The following DNAH6 variants were observed in gnomAD, a reference collection of about 807,000 sequenced individuals.
The protein encoded by DNAH6 is axonemal beta dynein heavy chain 6.
In DNAH6, 340 loss-of-function variants were observed where a neutral mutation model predicts 491.4. The observed-to-expected ratio is 0.69, with a 90% CI of 0.63 to 0.76. DNAH6 has a LOEUF of 0.76. Ranked by LOEUF, DNAH6 falls within the 30% of genes least tolerant of loss-of-function variation. The pLI is 0.00. For missense variants in DNAH6, 4,443 were observed against 4,972.2 expected (o/e 0.89, Z 3.20); for synonymous variants, 1,603 against 1,686.1 (o/e 0.95, Z 1.21).
chr2:84,782,235 C>T (rs1283137078), intron 65 of DNAH6, among the ~76,000 whole-genome samples: 1 of 152,180 alleles, frequency 6.6e-6, no homozygotes, highest in East Asian at 1.9e-4. Context: ...TTAGAATCTA[C>T]TCATTTTAAA....
At chr2:84,460,031 A>G in the DNAH6 span, 1 of 152,266 alleles carries the variant, frequency 6.6e-6, no homozygotes, top group Non-Finnish European at 1.5e-5. Context: ...TTGGACAAAC[A>G]GTTCCCTCTT....
In DNAH6 at chr2:84,780,287, A is replaced by C. The variant is rs150703925; in HGVS notation, c.10704-1206A>C. On this transcript the variant is annotated intron_variant, in intron 64 of 76. Coordinates refer to ENST00000389394, the MANE Select transcript of DNAH6 (RefSeq NM_001370.2). ...GGAATGCCAGTATGGCATAGGTTTT[A>C]TCTATTTGCATAATCTCATATTTCT... is the stretch of plus-strand genomic sequence containing the variant. Among the ~76,000 whole-genome samples, 851 of 152,186 alleles carry C rather than the reference A, an allele frequency of 5.6e-3. 4 individuals carry two copies. Among genetic ancestry groups the C allele is most frequent in the Non-Finnish European group, 9.7e-3 (662 of 67,982 alleles).
the DNAH6 span, among the ~76,000 whole-genome samples, chr2:84,506,920 G>T: frequency 6.6e-6 from 1 of 151,956 alleles, no homozygotes; most frequent in Non-Finnish European, 1.5e-5. Context: ...TGTTCCATTG[G>T]TCTATATCTC....
intron 4 of DNAH6, among the ~76,000 whole-genome samples, chr2:84,541,076 G>A (rs998848878): frequency 5.3e-5 from 8 of 152,176 alleles, no homozygotes; most frequent in Non-Finnish European, 1.2e-4. Context: ...AAAGGCCTTA[G>A]TGGAACAAAC....
At chr2:84,604,190 T>G (rs1685533612) in intron 18 of DNAH6, 149 bp from the exon 19 acceptor site, 1 of 636,336 alleles carries the variant, frequency 1.6e-6, no homozygotes, top group Non-Finnish European at 2.7e-6. Context: ...TTAGAGTCAT[T>G]AATTTGCAGT....
intron 31 of DNAH6, among the ~76,000 whole-genome samples, chr2:84,638,868 C>T (rs192297569): frequency 4.6e-5 from 7 of 152,172 alleles, no homozygotes; most frequent in Non-Finnish European, 8.8e-5. Context: ...GGAGCAGGCA[C>T]TGTGCATGGT....
chr2:84,733,835 A>T (rs1699309791), intron 62 of DNAH6, among the ~76,000 whole-genome samples: 1 of 152,044 alleles, frequency 6.6e-6, no homozygotes, highest in South Asian at 2.1e-4. Flanking sequence ...TTGAGAATGT[A>T]AATATACATT....
Position 84,805,764 on chromosome 2 carries a change from C to A in DNAH6, c.11581C>A (p.Leu3861Ile). The A allele has an allele frequency of 6.4e-7, 1 of 1,551,474 alleles. No homozygotes were observed. The highest frequency in any genetic ancestry group is 1.4e-5 in the African/African-American group (1 of 73,156). ...AAGCAATGACGAAATTGTTCAAGAA[C>A]TTGTTGCTTCTGTCCAGACCAGAGT... ...GKSNDEIVQE[L>I]VASVQTRVPE... Residue 3861 changes from leucine to isoleucine, a missense_variant, in exon 71 of 77, where the codon CTT (leucine) becomes ATT (isoleucine). Transcript: ENST00000389394.
At chr2:84,707,438 T>C (rs1696582196) in intron 53 of DNAH6, 82 bp from the exon 54 acceptor site, 3 of 1,289,474 alleles carry the variant, frequency 2.3e-6, no homozygotes, top group East Asian at 5.1e-5. Flanking sequence ...TATTCTGCTA[T>C]AAAAAGAAAC....
At chr2:84,590,854 G>A (rs541020237) in intron 16 of DNAH6, among the ~76,000 whole-genome samples, 3 of 152,160 alleles carry the variant, frequency 2.0e-5, no homozygotes, top group Non-Finnish European at 4.4e-5. Flanking sequence ...GGAATACATG[G>A]CATTCTGACA....
At chr2:84,752,700 A>G (rs929404850) in intron 63 of DNAH6, among the ~76,000 whole-genome samples, 1 of 151,838 alleles carries the variant, frequency 6.6e-6, no homozygotes, top group Non-Finnish European at 1.5e-5. Flanking sequence ...TTCATTTAAC[A>G]TAATATTTTA....
At chr2:84,778,234 G>T in intron 64 of DNAH6, 1 of 634,240 alleles carries the variant, frequency 1.6e-6, no homozygotes, top group South Asian at 1.7e-5. Context: ...ATTGGACTTG[G>T]AACCAAAAGG....
At chr2:84,620,446 C>T (rs1326588550) in intron 24 of DNAH6, among the ~76,000 whole-genome samples, 2 of 152,162 alleles carry the variant, frequency 1.3e-5, no homozygotes, top group Non-Finnish European at 2.9e-5. Context: ...AATATATTAG[C>T]ATACTGTGAG....
At chr2:84,627,516 T>TA (rs1687993042) in intron 29 of DNAH6, among the ~76,000 whole-genome samples, 1 of 152,234 alleles carries the variant, frequency 6.6e-6, no homozygotes, top group Non-Finnish European at 1.5e-5. Flanking sequence ...ATAAAACTGA[T>TA]CATGGCTTAA....
At chr2:84,725,468 C>T (rs1698537705) in intron 60 of DNAH6, among the ~76,000 whole-genome samples, 1 of 152,218 alleles carries the variant, frequency 6.6e-6, no homozygotes, top group East Asian at 1.9e-4. Context: ...TATATCTCTG[C>T]TCCCTTCCTT....
intron 16 of DNAH6, among the ~76,000 whole-genome samples, chr2:84,590,597 C>A (rs897308611): frequency 6.6e-6 from 1 of 151,746 alleles, no homozygotes; most frequent in Non-Finnish European, 1.5e-5. Flanking sequence ...GAGCATGAAG[C>A]CCCAGCCCCT....
chr2:84,624,799 A>G, intron 28 of DNAH6, 103 bp from the exon 29 acceptor site: 2 of 1,319,790 alleles, frequency 1.5e-6, no homozygotes, highest in Non-Finnish European at 2.0e-6. Context: ...CAATTGCTAT[A>G]TTTTTCATAG....
intron 64 of DNAH6, among the ~76,000 whole-genome samples, chr2:84,768,968 A>AT (rs1408906014): frequency 6.6e-6 from 1 of 152,280 alleles, no homozygotes; most frequent in Non-Finnish European, 1.5e-5. Context: ...GTTGAGTCAG[A>AT]TATCTGGGCC....
At chr2:84,755,414 A>G (rs527876441) in intron 63 of DNAH6, among the ~76,000 whole-genome samples, 25 of 152,152 alleles carry the variant, frequency 1.6e-4, no homozygotes, top group Non-Finnish European at 3.4e-4. Context: ...ACCCAGTCTC[A>G]AGTATTCTAT....
Sources: allele counts gnomAD v4.1 joint callset (sites outside exome capture counted in the v4.1 genomes callset), GRCh38; gene constraint gnomAD v4.1.1; transcripts MANE v1.5; gene names NCBI Gene and HGNC (gene_info 2026-07-23, HGNC 2026-07-21).